SLC35F2: variants seen among roughly 807,000 people sequenced by gnomAD.
The protein encoded by SLC35F2 is queuine/queuosine transporter SLC35F2.
In SLC35F2, 25 loss-of-function variants were observed where a neutral mutation model predicts 38.1. The ratio of observed to expected loss-of-function variants is 0.66; its 90% CI spans 0.48 to 0.92. SLC35F2 has a LOEUF of 0.92. SLC35F2 is among the 40% of genes least tolerant of loss of function. The pLI, the probability that SLC35F2 is intolerant of heterozygous loss-of-function variation, is 0.00. For synonymous variants in SLC35F2, 173 were observed against 181.7 expected (o/e 0.95, Z 0.38); for missense variants, 409 against 452.9 (o/e 0.90, Z 0.88).
chr11:107,819,706 C>T (rs76279220), intron 1 of SLC35F2, among the ~76,000 whole-genome samples: 124 of 152,300 alleles, frequency 8.1e-4, no homozygotes, highest in African/African-American at 2.7e-3. Flanking sequence ...CAGCCATATG[C>T]TTCTCTCAGG....
chr11:107,843,903 A>ATATATG (rs1399770949), intron 1 of SLC35F2, among the ~76,000 whole-genome samples: 1 of 128,036 alleles, frequency 7.8e-6, no homozygotes, highest in Non-Finnish European at 1.6e-5. Flanking sequence ...ATATATATAT[A>ATATATG]TATATGTATA....
intron 1 of SLC35F2, among the ~76,000 whole-genome samples, chr11:107,841,133 G>A (rs1418654711): frequency 6.6e-6 from 1 of 152,204 alleles, no homozygotes; most frequent in African/African-American, 2.4e-5. Context: ...GGAACCTGAT[G>A]CAAGCCCAAA....
chr11:107,843,796 G>A (rs1203586512), intron 1 of SLC35F2, among the ~76,000 whole-genome samples: 1 of 135,168 alleles, frequency 7.4e-6, no homozygotes, highest in Non-Finnish European at 1.5e-5. Context: ...AGTGAACTAT[G>A]ATCACACCAT....
chr11:107,797,285 G>C (rs1219535277), intron 7 of SLC35F2, among the ~76,000 whole-genome samples: 1 of 151,690 alleles, frequency 6.6e-6, no homozygotes, highest in Non-Finnish European at 1.5e-5. Flanking sequence ...GGAGATGACA[G>C]CAAAAAACAG....
chr11:107,831,741 TA>T (rs545291415), intron 1 of SLC35F2, among the ~76,000 whole-genome samples: 149 of 152,314 alleles, frequency 9.8e-4, no homozygotes, highest in African/African-American at 3.5e-3. Flanking sequence ...TTTTCAAGTG[TA>T]AGTGTAAGTT....
At chr11:107,794,075 T>C (rs1293581425) in intron 7 of SLC35F2, among the ~76,000 whole-genome samples, 1 of 135,146 alleles carries the variant, frequency 7.4e-6, no homozygotes, top group Non-Finnish European at 1.6e-5. Flanking sequence ...AATCAGTCTG[T>C]ATTTTTTCTT....
intron 1 of SLC35F2, 28 bp downstream of exon 1, chr11:107,858,630 G>A (rs1338527416): frequency 3.2e-6 from 4 of 1,268,304 alleles, no homozygotes; most frequent in South Asian, 3.8e-5. Flanking sequence ...ACGCCCCAGC[G>A]GAGCTGCAGC....
chr11:107,818,021 C>T (rs1859603467), intron 1 of SLC35F2, among the ~76,000 whole-genome samples: 1 of 136,396 alleles, frequency 7.3e-6, no homozygotes, highest in South Asian at 2.4e-4. Flanking sequence ...CGTGCCACTG[C>T]ACTCCAGCCT....
chr11:107,797,536 A>C (rs1859239560), intron 7 of SLC35F2, among the ~76,000 whole-genome samples: 1 of 151,702 alleles, frequency 6.6e-6, no homozygotes, highest in African/African-American at 2.4e-5. Flanking sequence ...AAGAAAATTA[A>C]AAATTAAAAA....
intron 1 of SLC35F2, among the ~76,000 whole-genome samples, chr11:107,848,755 C>T (rs369856216): frequency 3.3e-5 from 5 of 152,134 alleles, no homozygotes; most frequent in African/African-American, 1.2e-4. Flanking sequence ...AATAGCAGCA[C>T]ACCCTGGTGG....
chr11:107,805,315 A>T lies in SLC35F2; in HGVS notation c.731+44T>A, dbSNP rs367755820. On this transcript the variant is annotated intron_variant, in intron 5 of 7. Coordinates refer to ENST00000525815, the MANE Select transcript of SLC35F2 (RefSeq NM_017515.5). ...AATATTAGTAGTTATCATCTATAAT[A>T]TATTTGCTTATTTTGTCTTTAGAAA... 5.8e-6 allele frequency: 9 copies of T among 1,549,970 alleles called. No individual in the cohort carries two copies. In the African/African-American group the frequency reaches 1.2e-4, roughly 22 times the overall value.
Position 107,815,857 on chromosome 11 carries a change from C to G in SLC35F2, c.219G>C (p.Met73Ile). 1 of 1,614,034 alleles carries G rather than the reference C, an allele frequency of 6.2e-7. No homozygotes were observed. Among genetic ancestry groups the G allele is most frequent in the Non-Finnish European group, 8.5e-7 (1 of 1,179,996 alleles). The stretch of plus-strand genomic sequence containing the variant: ...AGCAATAATTGATAAAGCTCTGAAG[C>G]ATGGGGGTGTTCACTTTGTATCTTT... ...LAERYKVNTP[M>I]LQSFINYCLL... The change falls in exon 2 of 8, where the codon ATG (methionine) becomes ATC (isoleucine). Residue 73 changes from methionine to isoleucine, a missense_variant. Transcript: ENST00000525815.
chr11:107,848,037 G>A lies in SLC35F2; in HGVS notation c.110+10621C>T, dbSNP rs140057512. Among the ~76,000 whole-genome samples, 508 of 152,310 alleles carry A rather than the reference G, an allele frequency of 3.3e-3. 1 individual carries two copies. The highest frequency in any genetic ancestry group is 0.012 in the African/African-American group (480 of 41,570). ...AGAGACAGAAAGTAGAACTGTAGTG[G>A]CCAGGGGCTGGGGAGGGGGAGTGCA... On this transcript the variant is annotated intron_variant, in intron 1 of 7. Coordinates refer to ENST00000525815, the MANE Select transcript of SLC35F2 (RefSeq NM_017515.5).
chr11:107,806,659 A>G, intron 4 of SLC35F2, 58 bp downstream of exon 4: 1 of 1,491,226 alleles, frequency 6.7e-7, no homozygotes, highest in South Asian at 1.1e-5. Context: ...TTGATATAAA[A>G]GTGAAAACAT....
At chr11:107,818,102 AAG>A (rs1462690531) in intron 1 of SLC35F2, among the ~76,000 whole-genome samples, 1 of 136,448 alleles carries the variant, frequency 7.3e-6, no homozygotes, top group African/African-American at 3.2e-5. Context: ...GAAAGAAAGA[AAG>A]AAAGAAAGAA....
intron 7 of SLC35F2, among the ~76,000 whole-genome samples, chr11:107,802,153 A>G (rs1233050424): frequency 1.3e-5 from 2 of 151,948 alleles, no homozygotes; most frequent in African/African-American, 4.8e-5. Context: ...CAGGAGAATC[A>G]CTTAAACCTG....
chr11:107,806,637 CAAGTTTCTT>C, intron 4 of SLC35F2, 71 bp downstream of exon 4: 1 of 1,346,384 alleles, frequency 7.4e-7, no homozygotes, highest in Non-Finnish European at 1.1e-6. Flanking sequence ...CTCCAGTAAA[CAAGTTTCTT>C]TGTTGATATA....
intron 1 of SLC35F2, among the ~76,000 whole-genome samples, chr11:107,849,216 GT>G (rs1565442384): frequency 6.6e-6 from 1 of 152,114 alleles, no homozygotes. Context: ...ATACTCTTTC[GT>G]TTTATTAGGC....
At position 107,804,757 on chromosome 11, in the gene SLC35F2, ATT is replaced by A. The variant is rs1565429042; in HGVS notation, c.743_744del (p.Glu248ValfsTer2). 2 of 1,606,922 alleles carry A rather than the reference ATT, an allele frequency of 1.2e-6. No individual in the cohort carries two copies. The highest frequency in any genetic ancestry group is 1.3e-5 in the African/African-American group (1 of 74,638). ...CAATGAATGCTGGCAATATCCTTAT[ATT>A]CCACAATCAATCTAAGATTAAAACA... is the stretch of plus-strand genomic sequence containing the variant. ...IISGIQLLIVEYKDIASIHWD... is the reference protein window; with the variant it reads ...IISGIQLLIVXYKDIASIHWD... On this transcript the variant is annotated frameshift_variant, in exon 6 of 8. Transcript: ENST00000525815. LOFTEE classifies it high-confidence loss of function.
Sources: allele counts gnomAD v4.1 joint callset (sites outside exome capture counted in the v4.1 genomes callset), GRCh38; gene constraint gnomAD v4.1.1; transcripts MANE v1.5; gene names NCBI Gene and HGNC (gene_info 2026-07-23, HGNC 2026-07-21).